Variants in TAFA2 observed in about 807,000 individuals in gnomAD.
The protein encoded by TAFA2 is chemokine-like protein TAFA-2.
In TAFA2, 7 loss-of-function variants were observed where a neutral mutation model predicts 18.8. That is an observed-to-expected ratio of 0.37 (90% CI 0.21 to 0.70). The LOEUF is 0.70. Among genes scored for constraint, TAFA2 ranks in the 30% least tolerant of loss-of-function variants. The probability of loss-of-function intolerance (pLI) is 0.53; values close to 1 mark genes in which losing one functional copy is unlikely to be tolerated. For synonymous variants in TAFA2, 60 were observed against 54.2 expected, an observed-to-expected ratio of 1.11 and a Z score of -0.47; for missense variants, 122 against 158.1, an observed-to-expected ratio of 0.77 and a Z score of 1.23.
At chr12:62,102,134 C>T (rs1869234007) in intron 1 of TAFA2, among the ~76,000 whole-genome samples, 1 of 152,082 alleles carries the variant, frequency 6.6e-6, no homozygotes, top group African/African-American at 2.4e-5. Flanking sequence ...AAATTTTCTT[C>T]CTGCTTTCAT....
chr12:61,734,458 T>C (rs903946114), intron 4 of TAFA2, among the ~76,000 whole-genome samples: 7 of 151,354 alleles, frequency 4.6e-5, no homozygotes, highest in African/African-American at 1.7e-4. Context: ...GGCACATGTA[T>C]ACATATGTAA....
chr12:62,021,824 G>T, intron 1 of TAFA2: 2 of 834,768 alleles, frequency 2.4e-6, no homozygotes, highest in East Asian at 2.4e-5. Context: ...CTCCGCTGTG[G>T]ATCATCAGGC....
At chr12:61,740,167 G>T (rs1316015222) in intron 4 of TAFA2, among the ~76,000 whole-genome samples, 3 of 152,006 alleles carry the variant, frequency 2.0e-5, no homozygotes, top group Non-Finnish European at 4.4e-5. Flanking sequence ...ACCAAGAAGA[G>T]AACAGAAAAT....
intron 2 of TAFA2, among the ~76,000 whole-genome samples, chr12:61,846,762 T>C (rs954621364): frequency 6.6e-6 from 1 of 152,168 alleles, no homozygotes; most frequent in African/African-American, 2.4e-5. Flanking sequence ...CTGAAAATAA[T>C]AGTCACATTT....
At position 61,875,906 on chromosome 12, in the gene TAFA2, A is replaced by G. The variant is rs538597161; in HGVS notation, c.-1-8480T>C. On this transcript the variant is annotated intron_variant, in intron 1 of 4. Coordinates refer to ENST00000416284, the MANE Select transcript of TAFA2 (RefSeq NM_178539.5). ...TCCTGCATGATCTGGAGATGACTAC[A>G]TTTCACAACTGCTAGGTGGAGGACC... 3.5e-4 allele frequency among the ~76,000 whole-genome samples: 53 copies of G among 151,850 alleles called. 1 individual carries two copies. Among genetic ancestry groups the G allele is most frequent in the Non-Finnish European group, 5.9e-4 (40 of 67,616 alleles).
chr12:62,189,818 A>C (rs10877807), intron 1 of TAFA2, among the ~76,000 whole-genome samples: 27,257 of 152,110 alleles, frequency 0.18, 2,792 homozygotes, highest in African/African-American at 0.29. Flanking sequence ...AGAAGACAAG[A>C]ATCAGATAAT....
At chr12:61,842,749 G>A (rs939279342) in intron 2 of TAFA2, among the ~76,000 whole-genome samples, 3 of 152,028 alleles carry the variant, frequency 2.0e-5, no homozygotes, top group Non-Finnish European at 2.9e-5. Flanking sequence ...ACCACAGACC[G>A]AAACACTGGG....
chr12:61,848,459 A>G (rs1332950804), intron 2 of TAFA2, among the ~76,000 whole-genome samples: 2 of 152,206 alleles, frequency 1.3e-5, no homozygotes, highest in African/African-American at 2.4e-5. Context: ...AAAAATAAAA[A>G]GTGAATGCTA....
At chr12:62,213,187 G>A (rs1259262971) in intron 1 of TAFA2, among the ~76,000 whole-genome samples, 1 of 152,154 alleles carries the variant, frequency 6.6e-6, no homozygotes, top group Non-Finnish European at 1.5e-5. Flanking sequence ...GTCACAGTTA[G>A]AGAAGTAGTA....
At chr12:62,218,647 A>G (rs2062747293) in intron 1 of TAFA2, among the ~76,000 whole-genome samples, 1 of 152,204 alleles carries the variant, frequency 6.6e-6, no homozygotes, top group East Asian at 1.9e-4. Flanking sequence ...TAGTACTACT[A>G]TCTTTACGAT....
At chr12:62,162,487 A>G (rs1462161279) in intron 1 of TAFA2, among the ~76,000 whole-genome samples, 2 of 152,186 alleles carry the variant, frequency 1.3e-5, no homozygotes, top group African/African-American at 4.8e-5. Context: ...ATCCCTTAGC[A>G]GATTACCCGT....
intron 1 of TAFA2, among the ~76,000 whole-genome samples, chr12:61,910,912 T>C (rs1317057621): frequency 6.6e-6 from 1 of 152,184 alleles, no homozygotes; most frequent in Non-Finnish European, 1.5e-5. Flanking sequence ...ACAACTCTAT[T>C]TTAGGAGGCA....
At chr12:62,106,350 C>CA (rs1289089110) in intron 1 of TAFA2, among the ~76,000 whole-genome samples, 1 of 151,330 alleles carries the variant, frequency 6.6e-6, no homozygotes, top group South Asian at 2.1e-4. Flanking sequence ...GAACAAAAAA[C>CA]AAAAAACAAA....
chr12:61,866,602 A>T (rs987258236), intron 2 of TAFA2, among the ~76,000 whole-genome samples: 1 of 152,190 alleles, frequency 6.6e-6, no homozygotes, highest in Non-Finnish European at 1.5e-5. Flanking sequence ...TATGGCCAAG[A>T]AAGAGGGCAG....
At chr12:61,895,786 T>A (rs1875816172) in intron 1 of TAFA2, among the ~76,000 whole-genome samples, 2 of 152,036 alleles carry the variant, frequency 1.3e-5, no homozygotes. Context: ...ATATATGTGT[T>A]TACTGGATGA....
chr12:61,839,883 T>C (rs1380488695), intron 2 of TAFA2, among the ~76,000 whole-genome samples: 1 of 151,868 alleles, frequency 6.6e-6, no homozygotes, highest in Non-Finnish European at 1.5e-5. Context: ...ATTAAAAAAA[T>C]AAGGCATAAG....
At chr12:62,098,337 A>AAG (rs1455791612) in intron 1 of TAFA2, among the ~76,000 whole-genome samples, 1 of 152,162 alleles carries the variant, frequency 6.6e-6, no homozygotes, top group Non-Finnish European at 1.5e-5. Flanking sequence ...GCACATGACC[A>AAG]AGGCTGGCCA....
chr12:62,109,735 T>C (rs926190253), intron 1 of TAFA2, among the ~76,000 whole-genome samples: 10 of 152,154 alleles, frequency 6.6e-5, no homozygotes, highest in Non-Finnish European at 1.5e-5. Context: ...ATTCTCTTTA[T>C]AGTAATTGTG....
At chr12:62,089,165 C>T (rs1016373129) in intron 1 of TAFA2, among the ~76,000 whole-genome samples, 1 of 152,204 alleles carries the variant, frequency 6.6e-6, no homozygotes, top group East Asian at 1.9e-4. Context: ...GAACTATCCA[C>T]GTTTATTAAC....
Sources: gnomAD v4.1 joint callset for allele counts (sites outside exome capture counted in the v4.1 genomes callset) on GRCh38, gnomAD v4.1.1 for gene constraint, MANE v1.5 for transcripts, NCBI Gene and HGNC (gene_info 2026-07-23, HGNC 2026-07-21) for gene names.